GLIS3: variants seen among roughly 807,000 people sequenced by gnomAD.
GLIS3 encodes the protein GLIS family zinc finger 3.
GLIS3 carries 53 observed loss-of-function variants against 78.6 expected under a neutral mutation model. The observed-to-expected ratio is 0.67, with a 90% CI of 0.54 to 0.85. GLIS3 has a LOEUF of 0.85. Ranked by LOEUF, GLIS3 falls within the 40% of genes least tolerant of loss-of-function variation. The pLI is 0.00. For missense variants in GLIS3, 1,703 were observed against 1,231.1 expected (o/e 1.38, Z -5.74); for synonymous variants, 684 against 509.9 (o/e 1.34, Z -4.60).
chr9:4,453,366 A>C, the GLIS3 span, among the ~76,000 whole-genome samples: 1 of 147,912 alleles, frequency 6.8e-6, no homozygotes, highest in Non-Finnish European at 1.5e-5. Flanking sequence ...AAAAAAAAAG[A>C]AAAAACTACC....
At chr9:4,268,325 T>A (rs1002492400) in intron 2 of GLIS3, among the ~76,000 whole-genome samples, 22 of 152,180 alleles carry the variant, frequency 1.4e-4, no homozygotes, top group Non-Finnish European at 5.9e-5. Flanking sequence ...AAATTTCAAG[T>A]ACTTAAAATA....
At chr9:4,030,362 G>C (rs1395735554) in intron 4 of GLIS3, among the ~76,000 whole-genome samples, 1 of 152,050 alleles carries the variant, frequency 6.6e-6, no homozygotes, top group African/African-American at 2.4e-5. Flanking sequence ...TTGTCAAATG[G>C]GTAGTTTGAA....
chr9:4,097,196 A>G (rs890430687), intron 4 of GLIS3, among the ~76,000 whole-genome samples: 4 of 152,158 alleles, frequency 2.6e-5, no homozygotes, highest in African/African-American at 9.7e-5. Flanking sequence ...CCTTTCTTCC[A>G]TCTGCCTGCC....
chr9:3,961,260 T>C (rs1319535152), intron 4 of GLIS3, among the ~76,000 whole-genome samples: 1 of 152,192 alleles, frequency 6.6e-6, no homozygotes, highest in Non-Finnish European at 1.5e-5. Context: ...GGAAACAGTA[T>C]CCCATAAGTA....
intron 4 of GLIS3, among the ~76,000 whole-genome samples, chr9:4,098,055 TAG>T (rs1830096615): frequency 6.6e-6 from 1 of 152,186 alleles, no homozygotes; most frequent in Admixed American, 6.5e-5. Flanking sequence ...GAAAGGCACA[TAG>T]AGTCTTCCAC....
chr9:4,388,018 TA>T, the GLIS3 span, among the ~76,000 whole-genome samples: 1 of 152,202 alleles, frequency 6.6e-6, no homozygotes, highest in Non-Finnish European at 1.5e-5. Context: ...TGATGTGGGT[TA>T]AAAGGAGCGA....
the GLIS3 span, among the ~76,000 whole-genome samples, chr9:4,455,291 T>A: frequency 6.6e-6 from 1 of 152,294 alleles, no homozygotes; most frequent in South Asian, 2.1e-4. Context: ...TATTCTCAGT[T>A]CATTTAAAAT....
chr9:4,331,181 A>C lies in GLIS3; in HGVS notation n.264+15900T>G, dbSNP rs922587859. ...CCCACACTCCCCCTGAAAGCTCTAG[A>C]GATGAATCCTTTGTTCTTCCAGCTT... On this transcript the variant is annotated intron_variant and non_coding_transcript_variant, in intron 2 of 4. Coordinates refer to the GLIS3 transcript ENST00000471664. Among the ~76,000 whole-genome samples the C allele has an allele frequency of 2.0e-5, 3 of 152,176 alleles. No individual in the cohort carries two copies. The East Asian group carries it at 5.8e-4, about 29-fold the overall frequency.
chr9:4,202,378 C>T (rs955345219), intron 2 of GLIS3, among the ~76,000 whole-genome samples: 1 of 150,948 alleles, frequency 6.6e-6, no homozygotes, highest in Non-Finnish European at 1.5e-5. Flanking sequence ...GTCTGGAACT[C>T]CTGACCTTGT....
In GLIS3 at chr9:4,325,330, C is replaced by A. The variant is rs921929262; in HGVS notation, n.265-14802G>T. Among the ~76,000 whole-genome samples, 3 of 152,112 alleles carry A rather than the reference C, an allele frequency of 2.0e-5. No homozygotes were observed. In the South Asian group the frequency reaches 6.2e-4, roughly 32 times the overall value. Reference sequence around the variant, plus strand: ...AAACCACTTAAAAAGGGTAGAGTACCCCTTAATGTGGTGACTAGAACCCTG... The same window carrying A: ...AAACCACTTAAAAAGGGTAGAGTACACCTTAATGTGGTGACTAGAACCCTG... On this transcript the variant is annotated intron_variant and non_coding_transcript_variant, in intron 2 of 4. Coordinates refer to the GLIS3 transcript ENST00000471664.
In GLIS3 at chr9:3,887,926, C is replaced by G. The variant is rs116921363; in HGVS notation, c.2129-8331G>C. On this transcript the variant is annotated intron_variant, in intron 7 of 10. Coordinates refer to ENST00000381971, the MANE Select transcript of GLIS3 (RefSeq NM_001042413.2). The stretch of plus-strand genomic sequence containing the variant: ...AGATCTTTCCAAGCAATGCATGACA[C>G]AGCTAACCTCAAATCTCCTACCTTT... Among the ~76,000 whole-genome samples the G allele has an allele frequency of 4.6e-3, 707 of 152,318 alleles. 6 individuals carry two copies. The highest frequency in any genetic ancestry group is 8.4e-3 in the Admixed American group (128 of 15,298).
At chr9:4,097,367 A>C (rs1167309201) in intron 4 of GLIS3, among the ~76,000 whole-genome samples, 1 of 152,062 alleles carries the variant, frequency 6.6e-6, no homozygotes, top group Non-Finnish European at 1.5e-5. Flanking sequence ...GGAACAGGGA[A>C]ACACACAGGC....
chr9:3,987,563 G>T (rs532353385), intron 4 of GLIS3, among the ~76,000 whole-genome samples: 1 of 151,398 alleles, frequency 6.6e-6, no homozygotes, highest in East Asian at 2.0e-4. Context: ...TTAGCTGGGC[G>T]TTGTGGTGGG....
At chr9:4,080,422 A>C (rs1286827312) in intron 4 of GLIS3, among the ~76,000 whole-genome samples, 1 of 152,202 alleles carries the variant, frequency 6.6e-6, no homozygotes, top group Non-Finnish European at 1.5e-5. Context: ...TAAAATAATC[A>C]ACATTAGTAC....
the GLIS3 span, among the ~76,000 whole-genome samples, chr9:4,455,727 C>T: frequency 6.6e-6 from 1 of 152,218 alleles, no homozygotes; most frequent in African/African-American, 2.4e-5. Flanking sequence ...GAAAGGCATA[C>T]TGTGGGGATA....
Position 3,869,824 on chromosome 9 carries a change from T to C in GLIS3, c.2297+9603A>G, listed in dbSNP as rs1295090519. 2.6e-5 allele frequency among the ~76,000 whole-genome samples: 4 copies of C among 152,246 alleles called. No individual in the cohort carries two copies. In the East Asian group the frequency reaches 7.7e-4, roughly 29 times the overall value. ...CCAAAAGCTAACAATTCAGTTAGCA[T>C]GGAGACATCTGGTAAATAGCATATA... On this transcript the variant is annotated intron_variant, in intron 8 of 10. Coordinates refer to ENST00000381971, the MANE Select transcript of GLIS3 (RefSeq NM_001042413.2).
chr9:3,829,897 T>G (rs1817948538), intron 9 of GLIS3, among the ~76,000 whole-genome samples: 1 of 152,204 alleles, frequency 6.6e-6, no homozygotes, highest in Non-Finnish European at 1.5e-5. Flanking sequence ...TCACACTGGT[T>G]AAAATCTTGC....
intron 2 of GLIS3, among the ~76,000 whole-genome samples, chr9:4,244,703 T>C (rs1378573045): frequency 6.6e-6 from 1 of 152,070 alleles, no homozygotes; most frequent in Admixed American, 6.5e-5. Flanking sequence ...ACCTCCTGAG[T>C]AGCTGGGATT....
intron 8 of GLIS3, among the ~76,000 whole-genome samples, chr9:3,875,103 A>G (rs771685269): frequency 6.6e-6 from 1 of 152,252 alleles, no homozygotes; most frequent in Non-Finnish European, 1.5e-5. Flanking sequence ...TCTAACAGAC[A>G]TACTATGAAA....
Sources: allele counts gnomAD v4.1 joint callset (sites outside exome capture counted in the v4.1 genomes callset), GRCh38; gene constraint gnomAD v4.1.1; transcripts MANE v1.5; gene names NCBI Gene and HGNC (gene_info 2026-07-23, HGNC 2026-07-21).